Variants in RAP1GAP2 observed in about 807,000 individuals in gnomAD.
The protein encoded by RAP1GAP2 is rap1 GTPase-activating protein 2.
A neutral mutation model predicts 95.0 loss-of-function variants in RAP1GAP2; 27 were observed. The observed-to-expected ratio is 0.28, with a 90% CI of 0.21 to 0.39. The LOEUF is 0.39. Ranked by LOEUF, RAP1GAP2 falls within the 10% of genes least tolerant of loss-of-function variation. The pLI, the probability that RAP1GAP2 is intolerant of heterozygous loss-of-function variation, is 1.00. For synonymous variants in RAP1GAP2, 373 were observed against 380.9 expected (o/e 0.98, Z 0.24); for missense variants, 771 against 970.0 (o/e 0.79, Z 2.72).
At chr17:2,992,167 T>TC (rs1387888547) in intron 12 of RAP1GAP2, among the ~76,000 whole-genome samples, 1 of 150,706 alleles carries the variant, frequency 6.6e-6, no homozygotes, top group Non-Finnish European at 1.5e-5. Flanking sequence ...GTCTATGCTT[T>TC]TTTTTTTTTT....
At chr17:2,768,446 C>T (rs1410756995) in intron 1 of RAP1GAP2, among the ~76,000 whole-genome samples, 1 of 152,172 alleles carries the variant, frequency 6.6e-6, no homozygotes, top group Admixed American at 6.6e-5. Flanking sequence ...AATCCCAGAA[C>T]TTTGGGAGGC....
chr17:2,830,952 C>G (rs200430671), intron 2 of RAP1GAP2, among the ~76,000 whole-genome samples: 1 of 86,930 alleles, frequency 1.2e-5, no homozygotes, highest in Non-Finnish European at 2.4e-5. Flanking sequence ...TCCCTCCCTT[C>G]CCCTCCCCTC....
intron 1 of RAP1GAP2, among the ~76,000 whole-genome samples, chr17:2,758,491 G>A (rs962604228): frequency 1.3e-5 from 2 of 152,080 alleles, no homozygotes; most frequent in Non-Finnish European, 2.9e-5. Context: ...CATTTTTAGT[G>A]CCGTAATTGG....
chr17:2,820,464 C>T (rs1213192120), intron 2 of RAP1GAP2, among the ~76,000 whole-genome samples: 1 of 151,816 alleles, frequency 6.6e-6, no homozygotes, highest in Non-Finnish European at 1.5e-5. Context: ...CTACTAAAAA[C>T]ACAAAAATTA....
chr17:2,958,884 G>A (rs2044212780), intron 4 of RAP1GAP2, among the ~76,000 whole-genome samples: 1 of 152,098 alleles, frequency 6.6e-6, no homozygotes, highest in South Asian at 2.1e-4. Flanking sequence ...GGAAAGTATT[G>A]TTACTGCCGT....
At chr17:2,765,466 G>A (rs981513166) in intron 1 of RAP1GAP2, among the ~76,000 whole-genome samples, 7 of 152,072 alleles carry the variant, frequency 4.6e-5, no homozygotes, top group Admixed American at 2.6e-4. Flanking sequence ...CAGAGAGGGC[G>A]CGGTGGCTCA....
chr17:2,825,911 A>G lies in RAP1GAP2; in HGVS notation c.80+25361A>G, dbSNP rs1221758135. 4.0e-5 allele frequency among the ~76,000 whole-genome samples: 6 copies of G among 151,894 alleles called. No individual in the cohort carries two copies. The highest frequency in any genetic ancestry group is 1.5e-4 in the African/African-American group (6 of 41,370). The stretch of plus-strand genomic sequence containing the variant: ...GCTTCTTGAAGGAGGCGGCGCTGGA[A>G]GGTTGAAAAGGAATCCCTAGGAAGA... On this transcript the variant is annotated intron_variant, in intron 2 of 24. Coordinates refer to ENST00000254695, the MANE Select transcript of RAP1GAP2 (RefSeq NM_015085.5). The surrounding 1 kb of genome is among the most constrained non-coding windows in gnomAD (Gnocchi z 4.1).
At chr17:3,010,164 A>C (rs1312299854) in intron 17 of RAP1GAP2, among the ~76,000 whole-genome samples, 2 of 151,826 alleles carry the variant, frequency 1.3e-5, no homozygotes, top group African/African-American at 2.4e-5. Flanking sequence ...ACATGGTGAA[A>C]CCTCGTCTCC....
intron 18 of RAP1GAP2, among the ~76,000 whole-genome samples, chr17:3,019,194 A>C (rs1381284820): frequency 9.2e-5 from 14 of 152,102 alleles, no homozygotes; most frequent in Admixed American, 8.5e-4. Flanking sequence ...TTTGGGCCTG[A>C]TTGACTCGTA....
intron 11 of RAP1GAP2, among the ~76,000 whole-genome samples, chr17:2,988,054 T>C (rs1301581666): frequency 6.6e-6 from 1 of 152,132 alleles, no homozygotes; most frequent in Non-Finnish European, 1.5e-5. Context: ...CTTTGTTTTT[T>C]ACAAAATTAG....
At chr17:2,774,402 C>G (rs899016477), upstream of RAP1GAP2, among the ~76,000 whole-genome samples, 12 of 151,526 alleles carry the variant, frequency 7.9e-5, no homozygotes, top group Non-Finnish European at 1.0e-4. Context: ...CCTTGAACAG[C>G]TGAGCAGTTG....
Position 2,818,389 on chromosome 17 carries a change from A to T in RAP1GAP2, c.80+17839A>T, listed in dbSNP as rs2070132888. Among the ~76,000 whole-genome samples the T allele has an allele frequency of 2.0e-5, 3 of 150,760 alleles. No individual in the cohort carries two copies. The South Asian group carries it at 6.3e-4, about 31-fold the overall frequency. On this transcript the variant is annotated intron_variant, in intron 2 of 24. Coordinates refer to ENST00000254695, the MANE Select transcript of RAP1GAP2 (RefSeq NM_015085.5). ...GCCCAGGCTGGAGTGCAGTGGTGCGATCTTGGCTCACTGCAACCTCCGCCT... is the reference window on the plus strand; with the variant it reads ...GCCCAGGCTGGAGTGCAGTGGTGCGTTCTTGGCTCACTGCAACCTCCGCCT...
Position 2,813,824 on chromosome 17 carries a change from A to G in RAP1GAP2, c.80+13274A>G, listed in dbSNP as rs564028394. Among the ~76,000 whole-genome samples the G allele has an allele frequency of 2.0e-5, 3 of 152,170 alleles. No individual in the cohort carries two copies. The South Asian group carries it at 6.2e-4, about 32-fold the overall frequency. ...AAAAAGTACAAAAAATTAGCCGGGC[A>G]TGGTGGCACGTGCCTGTAATCGTAG... On this transcript the variant is annotated intron_variant, in intron 2 of 24. Coordinates refer to ENST00000254695, the MANE Select transcript of RAP1GAP2 (RefSeq NM_015085.5).
rs2047197414 is a variant in RAP1GAP2, at chr17:3,028,546, C to G, written c.2107+1476C>G. 3.9e-5 allele frequency among the ~76,000 whole-genome samples: 6 copies of G among 152,250 alleles called. No individual in the cohort carries two copies. The South Asian group carries it at 1.2e-3, about 32-fold the overall frequency. On this transcript the variant is annotated intron_variant, in intron 22 of 24. Transcript: ENST00000254695. The stretch of plus-strand genomic sequence containing the variant: ...CAGGGTGGCTGAAGCCAAAATGTTC[C>G]TGGGGTTCACACAGCGAAGGGATGT...
upstream of RAP1GAP2, among the ~76,000 whole-genome samples, chr17:2,774,443 A>AGGACTATG (rs2068453176): frequency 1.3e-5 from 2 of 148,954 alleles, no homozygotes; most frequent in South Asian, 4.3e-4. Flanking sequence ...GGCTGCTGAT[A>AGGACTATG]GGACTATGGG....
At chr17:2,805,976 G>A (rs2069498864) in intron 2 of RAP1GAP2, among the ~76,000 whole-genome samples, 1 of 152,150 alleles carries the variant, frequency 6.6e-6, no homozygotes, top group Admixed American at 6.6e-5. Context: ...TTAAATTTAA[G>A]TGGGTGGCTG....
chr17:2,938,309 CTG>C (rs2043366927), intron 3 of RAP1GAP2, among the ~76,000 whole-genome samples: 1 of 152,168 alleles, frequency 6.6e-6, no homozygotes, highest in South Asian at 2.1e-4. Context: ...AGGTCTGGAG[CTG>C]TTTCTCCCAC....
At chr17:3,012,974 G>A (rs1336888011) in intron 17 of RAP1GAP2, among the ~76,000 whole-genome samples, 3 of 152,186 alleles carry the variant, frequency 2.0e-5, no homozygotes, top group Non-Finnish European at 4.4e-5. Context: ...TTTGAGAAAT[G>A]CTGAGCTCAC....
Position 3,027,794 on chromosome 17 carries a change from G to A in RAP1GAP2, c.2107+724G>A, listed in dbSNP as rs71359195. ...GCAGAGGGGAGGGATGGAGGGGAGG[G>A]GAGAGGAGGGGAGGGGAGCTGCGGC... is the stretch of plus-strand genomic sequence containing the variant. On this transcript the variant is annotated intron_variant, in intron 22 of 24. Coordinates refer to ENST00000254695, the MANE Select transcript of RAP1GAP2 (RefSeq NM_015085.5). This position sits in a 1 kb window ranked among gnomAD's most constrained non-coding sequence, Gnocchi z 5.2. 0.16 allele frequency among the ~76,000 whole-genome samples: 22,612 copies of A among 143,562 alleles called. 2,149 individuals carry two copies. Among genetic ancestry groups the A allele is most frequent in the Middle Eastern group, 0.22 (64 of 286 alleles). The allele number at this position is 143,562 out of a possible 152,430, so 94.2% of individuals were successfully genotyped here. A position where few individuals can be genotyped will look rare whatever the true frequency, so the allele number is the denominator to read the frequency against.
Sources: gnomAD v4.1 joint callset for allele counts (sites outside exome capture counted in the v4.1 genomes callset) on GRCh38, gnomAD v4.1.1 for gene constraint, Gnocchi (gnomAD v3.1) non-coding constraint, MANE v1.5 for transcripts, NCBI Gene and HGNC (gene_info 2026-07-23, HGNC 2026-07-21) for gene names.